The following AGPAT4 variants were observed in gnomAD, a reference collection of about 807,000 sequenced individuals.
AGPAT4 encodes 1-acylglycerol-3-phosphate O-acyltransferase 4.
In AGPAT4, 15 loss-of-function variants were observed where a neutral mutation model predicts 48.0. The observed-to-expected ratio is 0.31, with a 90% confidence interval of 0.21 to 0.48. The LOEUF (loss-of-function observed/expected upper bound fraction) is 0.48, where lower values mean the gene tolerates loss of function less well. Ranked by LOEUF, AGPAT4 falls within the 20% of genes least tolerant of loss-of-function variation. AGPAT4 has a pLI of 0.99. For missense variants in AGPAT4, 314 were observed against 482.5 expected, an observed-to-expected ratio of 0.65 and a Z score of 3.27; for synonymous variants, 178 against 198.7, an observed-to-expected ratio of 0.90 and a Z score of 0.88.
Position 161,133,253 on chromosome 6 carries a change from C to CAA in AGPAT4, c.*3285_*3286dup, listed in dbSNP as rs1778960020. 6.6e-6 allele frequency: 1 copy of CAA among 152,226 alleles called. No individual in the cohort carries two copies. Among genetic ancestry groups the CAA allele is most frequent in the African/African-American group, 2.4e-5 (1 of 41,446 alleles). 9.4% of individuals were successfully genotyped at this position (152,226 alleles called of 1,614,324 possible). A position where few individuals can be genotyped will look rare whatever the true frequency, so the allele number is the denominator to read the frequency against. ...TTTTGTGTCTTTCACATCACTGTTA[C>CAA]AAGTTGTGGCTGGACAATTAATGAC... On this transcript the variant is annotated 3_prime_UTR_variant, in exon 9 of 9. Transcript: ENST00000320285.
rs531569738 is a variant in AGPAT4 at position 161,178,687 on chromosome 6, A to T, written c.179-12270T>A. ...CTGGTACCTCAGTTGGAAGTGCAGA[A>T]ATCACCCATCTTCCGCATCACTCAC... is the stretch of plus-strand genomic sequence containing the variant. On this transcript the variant is annotated intron_variant, in intron 2 of 8. Coordinates refer to ENST00000320285, the MANE Select transcript of AGPAT4 (RefSeq NM_020133.3). The surrounding 1 kb of genome is among the most constrained non-coding windows in gnomAD (Gnocchi z 5.1). Among the ~76,000 whole-genome samples, 13 of 152,124 alleles carry T rather than the reference A, an allele frequency of 8.5e-5. No homozygotes were observed. The highest frequency in any genetic ancestry group is 1.3e-4 in the Non-Finnish European group (9 of 68,008).
At position 161,201,004 on chromosome 6, in the gene AGPAT4, G is replaced by A. The variant is rs1342003741; in HGVS notation, c.178+31032C>T. ...TTTCCATCAGAGCAACAGGCAGAAC[G>A]ACAGCTTCCTGCAAATGCATCATCT... On this transcript the variant is annotated intron_variant, in intron 2 of 8. Coordinates refer to ENST00000320285, the MANE Select transcript of AGPAT4 (RefSeq NM_020133.3). This position sits in a 1 kb window ranked among gnomAD's most constrained non-coding sequence, Gnocchi z 6.0. Among the ~76,000 whole-genome samples the A allele has an allele frequency of 1.3e-5, 2 of 152,184 alleles. No individual in the cohort carries two copies. The highest frequency in any genetic ancestry group is 2.4e-5 in the African/African-American group (1 of 41,452).
chr6:161,226,076 T>C lies in AGPAT4; in HGVS notation c.178+5960A>G, dbSNP rs1181550216. The stretch of plus-strand genomic sequence containing the variant: ...AAGGCGATCACCATCTGGGAACTGA[T>C]AAGGATGACTCTTTGGACCTTCAAA... On this transcript the variant is annotated intron_variant, in intron 2 of 8. Coordinates refer to ENST00000320285, the MANE Select transcript of AGPAT4 (RefSeq NM_020133.3). The surrounding 1 kb of genome is among the most constrained non-coding windows in gnomAD (Gnocchi z 6.3). Among the ~76,000 whole-genome samples the C allele has an allele frequency of 6.6e-6, 1 of 152,138 alleles. No individual in the cohort carries two copies. The highest frequency in any genetic ancestry group is 2.4e-5 in the African/African-American group (1 of 41,438).
Position 161,136,699 on chromosome 6 carries a change from G to C in AGPAT4, c.1043-65C>G, listed in dbSNP as rs566678032. On this transcript the variant is annotated intron_variant, in intron 8 of 8. Coordinates refer to ENST00000320285, the MANE Select transcript of AGPAT4 (RefSeq NM_020133.3). ...CAGACTACAGGGCCGTTTTCCCACA[G>C]AGCAAGTGAGAAGGCCCGTGGCCGC... 8.4e-6 allele frequency: 12 copies of C among 1,435,996 alleles called. No individual in the cohort carries two copies. In the East Asian group the frequency reaches 2.3e-4, roughly 27 times the overall value. The allele number at this position is 1,435,996 out of a possible 1,614,324, so 89.0% of individuals were successfully genotyped here.
At chr6:161,209,005 T>A (rs1781453459) in intron 2 of AGPAT4, among the ~76,000 whole-genome samples, 1 of 152,010 alleles carries the variant, frequency 6.6e-6, no homozygotes, top group Non-Finnish European at 1.5e-5. Flanking sequence ...AAAACGCACA[T>A]CGAACAGGAA....
rs1222069245 is a variant in AGPAT4 at position 161,233,892 on chromosome 6, A to G, written c.-89-1590T>C. Among the ~76,000 whole-genome samples the G allele has an allele frequency of 2.0e-5, 3 of 152,220 alleles. No individual in the cohort carries two copies. The highest frequency in any genetic ancestry group is 4.8e-5 in the African/African-American group (2 of 41,466). ...ATTTTAAGGCTCCTATGAATCCCAC[A>G]AGACGAGTATTCTTATCATCCCACT... is the stretch of plus-strand genomic sequence containing the variant. On this transcript the variant is annotated intron_variant, in intron 1 of 8. Coordinates refer to ENST00000320285, the MANE Select transcript of AGPAT4 (RefSeq NM_020133.3). The surrounding 1 kb of genome is among the most constrained non-coding windows in gnomAD (Gnocchi z 5.4).
At chr6:161,185,561 G>A (rs930881689) in intron 2 of AGPAT4, among the ~76,000 whole-genome samples, 2 of 152,058 alleles carry the variant, frequency 1.3e-5, no homozygotes, top group Non-Finnish European at 2.9e-5. Context: ...CAATCAACTC[G>A]ATACCTGCCA....
intron 2 of AGPAT4, among the ~76,000 whole-genome samples, chr6:161,209,167 T>C (rs1252768076): frequency 6.6e-6 from 1 of 152,164 alleles, no homozygotes; most frequent in Non-Finnish European, 1.5e-5. Context: ...ATGAGTGACA[T>C]GAGTTCCCCC....
Position 161,139,046 on chromosome 6 carries a change from G to A in AGPAT4, c.1042+376C>T, listed in dbSNP as rs934741155. On this transcript the variant is annotated intron_variant, in intron 8 of 8. Transcript: ENST00000320285. This position sits in a 1 kb window ranked among gnomAD's most constrained non-coding sequence, Gnocchi z 9.1. ...GGCAGGGAGCTGCCCATCCGTCCCCGCCAGGCTCCAGCACAGGGCTTTCTT... is the reference window on the plus strand; with the variant it reads ...GGCAGGGAGCTGCCCATCCGTCCCCACCAGGCTCCAGCACAGGGCTTTCTT... Among the ~76,000 whole-genome samples the A allele has an allele frequency of 1.2e-4, 18 of 152,328 alleles. No individual in the cohort carries two copies. The highest frequency in any genetic ancestry group is 4.1e-4 in the South Asian group (2 of 4,822).
Position 161,214,966 on chromosome 6 carries a change from C to T in AGPAT4, c.178+17070G>A, listed in dbSNP as rs750349556. On this transcript the variant is annotated intron_variant, in intron 2 of 8. Transcript: ENST00000320285. The surrounding 1 kb of genome is among the most constrained non-coding windows in gnomAD (Gnocchi z 5.4). Reference sequence around the variant, plus strand: ...TGGCCTGCCTTAGATAAGACTGAGACAAAGGCAACAGGCCCATCTGCAGTT... The same window carrying T: ...TGGCCTGCCTTAGATAAGACTGAGATAAAGGCAACAGGCCCATCTGCAGTT... 1.3e-4 allele frequency among the ~76,000 whole-genome samples: 20 copies of T among 152,094 alleles called. No homozygotes were observed. The highest frequency in any genetic ancestry group is 2.4e-4 in the African/African-American group (10 of 41,420).
rs1778969628 is a variant in AGPAT4 at position 161,133,553 on chromosome 6, G to C, written c.*2987C>G. On this transcript the variant is annotated 3_prime_UTR_variant, in exon 9 of 9. Transcript: ENST00000320285. ...GTGGCAGAATCAGTCCAGTCCCCCA[G>C]ACCTCAAGCTGCATCTTCCAAATGG... 6.6e-6 allele frequency: 1 copy of C among 152,182 alleles called. No individual in the cohort carries two copies. The highest frequency in any genetic ancestry group is 2.4e-5 in the African/African-American group (1 of 41,434). 9.4% of individuals were successfully genotyped at this position (152,182 alleles called of 1,614,324 possible). A position where few individuals can be genotyped will look rare whatever the true frequency, so the allele number is the denominator to read the frequency against.
In AGPAT4 at chr6:161,134,962, CCTTTTTCACTTCTGT is replaced by C. The variant is rs1420181466; in HGVS notation, c.*1563_*1577del. Reference sequence around the variant, plus strand: ...CCCACAAGTCAGCCAGGATTTTTTCCCTTTTTCACTTCTGTGGATTCAAATAATTCATTTGTATCA... The same window carrying C: ...CCCACAAGTCAGCCAGGATTTTTTCCGGATTCAAATAATTCATTTGTATCA... On this transcript the variant is annotated 3_prime_UTR_variant, in exon 9 of 9. Transcript: ENST00000320285. The C allele has an allele frequency of 1.3e-5, 2 of 151,756 alleles. No individual in the cohort carries two copies. Among genetic ancestry groups the C allele is most frequent in the Non-Finnish European group, 2.9e-5 (2 of 68,018 alleles). The allele number at this position is 151,756 out of a possible 1,614,324, so 9.4% of individuals were successfully genotyped here.
chr6:161,187,504 C>CATTTATTT (rs60104618), intron 2 of AGPAT4, among the ~76,000 whole-genome samples: 1,571 of 143,938 alleles, frequency 0.011, 22 homozygotes, highest in African/African-American at 0.023. Context: ...TCCTGAAGCC[C>CATTTATTT]ATTTATTTAT....
intron 1 of AGPAT4, among the ~76,000 whole-genome samples, chr6:161,248,571 C>CAAAAA (rs35527158): frequency 1.6e-5 from 1 of 63,720 alleles, no homozygotes; most frequent in Non-Finnish European, 2.9e-5. Context: ...GACTCTGTCT[C>CAAAAA]AAAAAAAAAA....
At chr6:161,151,932 G>A (rs1432373637) in intron 5 of AGPAT4, among the ~76,000 whole-genome samples, 1 of 152,252 alleles carries the variant, frequency 6.6e-6, no homozygotes, top group African/African-American at 2.4e-5. Flanking sequence ...CCCTTGGGCT[G>A]AGCCCAGAGC....
intron 1 of AGPAT4, among the ~76,000 whole-genome samples, chr6:161,265,031 G>A (rs1241157004): frequency 6.6e-6 from 1 of 152,148 alleles, no homozygotes; most frequent in African/African-American, 2.4e-5. Flanking sequence ...GCAACTGTGG[G>A]GATGGATGCT....
At position 161,219,352 on chromosome 6, in the gene AGPAT4, T is replaced by G. The variant is rs1781739745; in HGVS notation, c.178+12684A>C. ...ATATATAAAATGTCCTATCCAGACA[T>G]TTATGATATGATAGAATATGATGGC... is the stretch of plus-strand genomic sequence containing the variant. On this transcript the variant is annotated intron_variant, in intron 2 of 8. Coordinates refer to ENST00000320285, the MANE Select transcript of AGPAT4 (RefSeq NM_020133.3). The surrounding 1 kb of genome is among the most constrained non-coding windows in gnomAD (Gnocchi z 4.9). Among the ~76,000 whole-genome samples the G allele has an allele frequency of 6.6e-6, 1 of 152,072 alleles. No individual in the cohort carries two copies. Among genetic ancestry groups the G allele is most frequent in the Non-Finnish European group, 1.5e-5 (1 of 68,026 alleles).
chr6:161,195,280 T>G lies in AGPAT4; in HGVS notation c.179-28863A>C, dbSNP rs1432504142. On this transcript the variant is annotated intron_variant, in intron 2 of 8. Transcript: ENST00000320285. The surrounding 1 kb of genome is among the most constrained non-coding windows in gnomAD (Gnocchi z 5.0). ...CTGGCACCTATTTTCAGGGTAAGAG[T>G]CCAGCTTTCCCTTTCCAGTGGCAGT... 6.6e-6 allele frequency among the ~76,000 whole-genome samples: 1 copy of G among 151,920 alleles called. No homozygotes were observed. Among genetic ancestry groups the G allele is most frequent in the Non-Finnish European group, 1.5e-5 (1 of 67,986 alleles).
chr6:161,220,688 A>G lies in AGPAT4; in HGVS notation c.178+11348T>C, dbSNP rs1477439420. The stretch of plus-strand genomic sequence containing the variant: ...TCCTATTGCCCTTCTGCCTTTCTCT[A>G]TGTTTGAAGGACAGTTTCATTCTAT... On this transcript the variant is annotated intron_variant, in intron 2 of 8. Coordinates refer to ENST00000320285, the MANE Select transcript of AGPAT4 (RefSeq NM_020133.3). The surrounding 1 kb of genome is among the most constrained non-coding windows in gnomAD (Gnocchi z 6.0). 2.0e-5 allele frequency among the ~76,000 whole-genome samples: 3 copies of G among 151,992 alleles called. No individual in the cohort carries two copies. Among genetic ancestry groups the G allele is most frequent in the Admixed American group, 6.5e-5 (1 of 15,270 alleles).
Sources: gnomAD v4.1 joint callset for allele counts (sites outside exome capture counted in the v4.1 genomes callset) on GRCh38, gnomAD v4.1.1 for gene constraint, Gnocchi (gnomAD v3.1) non-coding constraint, MANE v1.5 for transcripts, NCBI Gene and HGNC (gene_info 2026-07-23, HGNC 2026-07-21) for gene names.